SNTG1: variants seen among roughly 807,000 people sequenced by gnomAD.
The protein encoded by SNTG1 is syntrophin gamma 1.
Under a neutral mutation model 74.7 loss-of-function variants are expected in SNTG1, and 39 were observed. The ratio of observed to expected loss-of-function variants is 0.52; its 90% CI spans 0.40 to 0.68. SNTG1 has a LOEUF of 0.68. SNTG1 is among the 30% of genes least tolerant of loss of function. The probability of loss-of-function intolerance (pLI) is 0.00; values close to 1 mark genes in which losing one functional copy is unlikely to be tolerated. For missense variants in SNTG1, 685 were observed against 609.5 expected, an observed-to-expected ratio of 1.12 and a Z score of -1.30; for synonymous variants, 254 against 217.1, an observed-to-expected ratio of 1.17 and a Z score of -1.49.
intron 1 of SNTG1, among the ~76,000 whole-genome samples, chr8:50,026,292 T>C (rs898102032): frequency 6.6e-6 from 1 of 152,198 alleles, no homozygotes; most frequent in Admixed American, 6.5e-5. Flanking sequence ...GTTGACTATT[T>C]AGTTCAGGGT....
rs1563486335 is a variant in SNTG1, at chr8:50,502,825, AT to A, written c.416del (p.Leu139Ter). ...AGEEVTLTVS[F>X]LKRAPAFLKL... ...GAGAAGAAGTGACTCTAACAGTGTC[AT>A]TTTTAAAAAGAGCACCTGCTTTCCT... On this transcript the variant is annotated frameshift_variant, in exon 9 of 19. Coordinates refer to ENST00000642720, the MANE Select transcript of SNTG1 (RefSeq NM_018967.5). LOFTEE classifies it high-confidence loss of function. 6.2e-7 allele frequency: 1 copy of A among 1,613,536 alleles called. No homozygotes were observed. The highest frequency in any genetic ancestry group is 8.5e-7 in the Non-Finnish European group (1 of 1,179,680).
intron 1 of SNTG1, among the ~76,000 whole-genome samples, chr8:49,928,027 G>A (rs1807189606): frequency 6.6e-6 from 1 of 151,566 alleles, no homozygotes; most frequent in South Asian, 2.1e-4. Flanking sequence ...TACTCGGGGG[G>A]CTGAGGCAGG....
rs2094289860 is a variant in SNTG1 at position 50,534,032 on chromosome 8, G to A, written c.550-2646G>A. 2.0e-5 allele frequency among the ~76,000 whole-genome samples: 3 copies of A among 152,146 alleles called. No individual in the cohort carries two copies. The South Asian group carries it at 6.2e-4, about 31-fold the overall frequency. On this transcript the variant is annotated intron_variant, in intron 10 of 18. Transcript: ENST00000642720. ...GAAATTATTATTGTATTTTATGAAA[G>A]ATGAGAAAGCATCTTTAAATAATAT...
chr8:50,146,450 G>C (rs572770702), intron 1 of SNTG1, among the ~76,000 whole-genome samples: 1 of 152,090 alleles, frequency 6.6e-6, no homozygotes, highest in Admixed American at 6.5e-5. Flanking sequence ...CCTGGGAGGG[G>C]GAGGTTGCAG....
intron 1 of SNTG1, among the ~76,000 whole-genome samples, chr8:50,161,528 C>T (rs958638976): frequency 7.2e-5 from 11 of 151,876 alleles, no homozygotes; most frequent in African/African-American, 2.7e-4. Context: ...CTTTCAGTGT[C>T]CATGTGCTGA....
At chr8:50,791,157 C>T (rs2095689658) in intron 18 of SNTG1, among the ~76,000 whole-genome samples, 1 of 151,784 alleles carries the variant, frequency 6.6e-6, no homozygotes, top group African/African-American at 2.4e-5. Context: ...CTACACCAAG[C>T]ATTATGGGGT....
At chr8:50,182,520 T>TG (rs1197120975) in intron 2 of SNTG1, among the ~76,000 whole-genome samples, 1 of 152,162 alleles carries the variant, frequency 6.6e-6, no homozygotes, top group African/African-American at 2.4e-5. Flanking sequence ...AAATAAAATA[T>TG]ATTTTATGTT....
At chr8:50,524,064 C>T (rs2094201130) in intron 9 of SNTG1, among the ~76,000 whole-genome samples, 1 of 152,102 alleles carries the variant, frequency 6.6e-6, no homozygotes, top group South Asian at 2.1e-4. Flanking sequence ...TCTTTAGCTA[C>T]TTTCATTTGT....
intron 11 of SNTG1, among the ~76,000 whole-genome samples, chr8:50,552,611 T>C (rs569392268): frequency 6.6e-6 from 1 of 152,296 alleles, no homozygotes; most frequent in African/African-American, 2.4e-5. Flanking sequence ...GACTTTTTAA[T>C]ATCACGCTTA....
rs187360805 is a variant in SNTG1 at position 50,277,865 on chromosome 8, G to T, written c.-28+105230G>T. 2.6e-5 allele frequency among the ~76,000 whole-genome samples: 4 copies of T among 152,002 alleles called. No homozygotes were observed. In the East Asian group the frequency reaches 7.7e-4, roughly 29 times the overall value. ...TTAATTTTATCGATGGTTATGAAAG[G>T]TACCTAATCAGGATTTACATTAACT... On this transcript the variant is annotated intron_variant, in intron 2 of 18. Coordinates refer to ENST00000642720, the MANE Select transcript of SNTG1 (RefSeq NM_018967.5).
chr8:50,333,570 G>A (rs535765302), intron 2 of SNTG1, among the ~76,000 whole-genome samples: 29 of 152,214 alleles, frequency 1.9e-4, no homozygotes, highest in African/African-American at 6.7e-4. Flanking sequence ...TTATTATGCT[G>A]GAAACAGCAT....
At chr8:50,634,456 G>A (rs1285733709) in intron 13 of SNTG1, among the ~76,000 whole-genome samples, 1 of 152,034 alleles carries the variant, frequency 6.6e-6, no homozygotes, top group East Asian at 1.9e-4. Context: ...CAACCACCTT[G>A]CTTTATCTTA....
intron 13 of SNTG1, among the ~76,000 whole-genome samples, chr8:50,619,135 A>C (rs113184560): frequency 0.043 from 6,474 of 152,208 alleles, 242 homozygotes; most frequent in African/African-American, 0.093. Context: ...TAGAGCATCA[A>C]AGTGGTTCTG....
chr8:49,961,763 A>G (rs979065463), intron 1 of SNTG1, among the ~76,000 whole-genome samples: 1 of 152,192 alleles, frequency 6.6e-6, no homozygotes, highest in East Asian at 1.9e-4. Flanking sequence ...ATCAGATCAC[A>G]TGGCTCACAT....
intron 1 of SNTG1, among the ~76,000 whole-genome samples, chr8:50,091,939 A>G (rs1586231809): frequency 6.6e-6 from 1 of 152,294 alleles, no homozygotes; most frequent in African/African-American, 2.4e-5. Flanking sequence ...TGAGATAGCA[A>G]TGACAAAATA....
intron 1 of SNTG1, among the ~76,000 whole-genome samples, chr8:49,988,596 A>G (rs1026169318): frequency 1.5e-4 from 23 of 152,206 alleles, no homozygotes; most frequent in African/African-American, 5.3e-4. Context: ...ATTTGAATGT[A>G]TGTTGCTAGA....
chr8:50,211,693 A>G (rs1196996923), intron 2 of SNTG1, among the ~76,000 whole-genome samples: 7 of 152,146 alleles, frequency 4.6e-5, no homozygotes, highest in Non-Finnish European at 1.0e-4. Flanking sequence ...TATTTTTTTA[A>G]AAGAGAGATA....
intron 2 of SNTG1, among the ~76,000 whole-genome samples, chr8:50,365,534 A>G (rs1373824895): frequency 6.6e-6 from 1 of 152,120 alleles, no homozygotes; most frequent in East Asian, 1.9e-4. Context: ...TCTGATCTAA[A>G]GTATTTAGGA....
intron 12 of SNTG1, among the ~76,000 whole-genome samples, chr8:50,558,337 G>C (rs2094468299): frequency 6.6e-6 from 1 of 152,098 alleles, no homozygotes; most frequent in South Asian, 2.1e-4. Flanking sequence ...GCTCGCAGAG[G>C]CCTCTTCCCA....
Sources: allele counts gnomAD v4.1 joint callset (sites outside exome capture counted in the v4.1 genomes callset), GRCh38; gene constraint gnomAD v4.1.1; transcripts MANE v1.5; gene names NCBI Gene and HGNC (gene_info 2026-07-23, HGNC 2026-07-21).